Variants in ADIPOR2 observed in about 807,000 individuals in gnomAD.
ADIPOR2 encodes the protein adiponectin receptor 2.
In ADIPOR2, 18 loss-of-function variants were observed where a neutral mutation model predicts 40.9. The observed-to-expected ratio is 0.44, with a 90% CI of 0.30 to 0.65. ADIPOR2 has a LOEUF of 0.65. Among genes scored for constraint, ADIPOR2 ranks in the 30% least tolerant of loss-of-function variants. The pLI, the probability that ADIPOR2 is intolerant of heterozygous loss-of-function variation, is 0.09. For synonymous variants in ADIPOR2, 165 were observed against 166.4 expected (o/e 0.99, Z 0.06); for missense variants, 283 against 479.2 (o/e 0.59, Z 3.82).
intron 1 of ADIPOR2, among the ~76,000 whole-genome samples, chr12:1,701,240 A>G (rs1305592070): frequency 6.9e-6 from 1 of 145,510 alleles, no homozygotes; most frequent in Non-Finnish European, 1.5e-5. Context: ...CAGTCCTCCC[A>G]CTTCAGCCTT....
intron 2 of ADIPOR2, among the ~76,000 whole-genome samples, chr12:1,770,343 A>ATAAACATATTGTGTTTTATGTGTTT (rs1862471831): frequency 6.6e-6 from 1 of 152,218 alleles, no homozygotes; most frequent in Non-Finnish European, 1.5e-5. Flanking sequence ...TTTTATGTAC[A>ATAAACATATTGTGTTTTATGTGTTT]TATCTGTAGT....
intron 1 of ADIPOR2, among the ~76,000 whole-genome samples, chr12:1,748,187 A>G (rs1022999375): frequency 6.6e-6 from 1 of 151,860 alleles, no homozygotes; most frequent in Non-Finnish European, 1.5e-5. Context: ...TGTAGTTTAC[A>G]TCTCTTCATT....
At chr12:1,743,413 T>C (rs1237059744) in intron 1 of ADIPOR2, among the ~76,000 whole-genome samples, 1 of 151,944 alleles carries the variant, frequency 6.6e-6, no homozygotes, top group East Asian at 1.9e-4. Flanking sequence ...CATTAGCTCA[T>C]GCCTGTAAGC....
chr12:1,713,631 T>C (rs898366548), intron 1 of ADIPOR2, among the ~76,000 whole-genome samples: 20 of 152,182 alleles, frequency 1.3e-4, no homozygotes, highest in Admixed American at 2.0e-4. Context: ...CATATTCATG[T>C]AGATAATAGC....
At chr12:1,774,577 A>T (rs1862548950) in intron 3 of ADIPOR2, among the ~76,000 whole-genome samples, 1 of 152,228 alleles carries the variant, frequency 6.6e-6, no homozygotes. Context: ...TGTGCTGTGG[A>T]TAATTTAGTC....
chr12:1,743,563 C>T (rs1027708630), intron 1 of ADIPOR2, among the ~76,000 whole-genome samples: 1 of 151,798 alleles, frequency 6.6e-6, no homozygotes, highest in Non-Finnish European at 1.5e-5. Context: ...CTAAGCTTCT[C>T]TGGATGGAGG....
At chr12:1,736,979 C>T (rs995081800) in intron 1 of ADIPOR2, among the ~76,000 whole-genome samples, 1 of 152,160 alleles carries the variant, frequency 6.6e-6, no homozygotes, top group Non-Finnish European at 1.5e-5. Flanking sequence ...TTCATGTCCA[C>T]CAGGCATTAT....
chr12:1,693,559 G>GT (rs1213343432), intron 1 of ADIPOR2, among the ~76,000 whole-genome samples: 2 of 150,360 alleles, frequency 1.3e-5, no homozygotes, highest in East Asian at 3.9e-4. Context: ...TTGAGACGGA[G>GT]TTTCGTTCTT....
chr12:1,694,791 A>G (rs1407963302), intron 1 of ADIPOR2, among the ~76,000 whole-genome samples: 1 of 152,160 alleles, frequency 6.6e-6, no homozygotes, highest in Non-Finnish European at 1.5e-5. Context: ...TTGTCTGCAT[A>G]TTCAGAATTT....
chr12:1,769,997 A>G (rs1862463451), intron 2 of ADIPOR2, among the ~76,000 whole-genome samples: 1 of 151,308 alleles, frequency 6.6e-6, no homozygotes, highest in Non-Finnish European at 1.5e-5. Context: ...AGCTCATTGC[A>G]ACCTCGACCT....
chr12:1,705,433 G>A (rs914514907), intron 1 of ADIPOR2, among the ~76,000 whole-genome samples: 1 of 152,070 alleles, frequency 6.6e-6, no homozygotes, highest in Non-Finnish European at 1.5e-5. Context: ...GAAACTATTC[G>A]ACGCCACAAG....
intron 6 of ADIPOR2, among the ~76,000 whole-genome samples, chr12:1,783,499 G>T (rs1246380324): frequency 1.3e-5 from 2 of 150,532 alleles, no homozygotes; most frequent in African/African-American, 2.4e-5. Flanking sequence ...CCCGGCTTCA[G>T]GTGATTCTCC....
At chr12:1,756,299 C>T (rs930049220) in intron 2 of ADIPOR2, among the ~76,000 whole-genome samples, 8 of 151,942 alleles carry the variant, frequency 5.3e-5, no homozygotes, top group African/African-American at 1.7e-4. Flanking sequence ...TACAGGCCTG[C>T]GCAACCACAT....
chr12:1,739,742 T>A (rs1394751947), intron 1 of ADIPOR2, among the ~76,000 whole-genome samples: 1 of 152,226 alleles, frequency 6.6e-6, no homozygotes, highest in Non-Finnish European at 1.5e-5. Flanking sequence ...TAGAGTGTTA[T>A]GAGCACTGAC....
chr12:1,758,596 A>G (rs1474544797), intron 2 of ADIPOR2, among the ~76,000 whole-genome samples: 1 of 152,216 alleles, frequency 6.6e-6, no homozygotes, highest in Non-Finnish European at 1.5e-5. Context: ...AATGTATACT[A>G]CACATGGGAG....
chr12:1,749,966 A>G (rs2094765426), intron 1 of ADIPOR2, among the ~76,000 whole-genome samples: 1 of 149,996 alleles, frequency 6.7e-6, no homozygotes, highest in Admixed American at 6.7e-5. Context: ...TCTCTTCAGT[A>G]CCTAGACTAC....
chr12:1,738,998 A>G (rs1470547711), intron 1 of ADIPOR2, among the ~76,000 whole-genome samples: 1 of 152,192 alleles, frequency 6.6e-6, no homozygotes, highest in Non-Finnish European at 1.5e-5. Flanking sequence ...TTCTTTTGTG[A>G]TAATTTTATG....
chr12:1,701,208 C>T (rs12579507), intron 1 of ADIPOR2, among the ~76,000 whole-genome samples: 18,974 of 149,184 alleles, frequency 0.13, 1,548 homozygotes, highest in East Asian at 0.28. Flanking sequence ...TGGCTCACTG[C>T]AGCCCATCTC....
chr12:1,754,573 G>GAGGA, intron 2 of ADIPOR2, 59 bp downstream of exon 2: 5 of 1,499,782 alleles, frequency 3.3e-6, no homozygotes, highest in Non-Finnish European at 4.5e-6. Context: ...GTGGCAGAGG[G>GAGGA]AGGATATGGG....
Sources: gnomAD v4.1 joint callset for allele counts (sites outside exome capture counted in the v4.1 genomes callset) on GRCh38, gnomAD v4.1.1 for gene constraint, MANE v1.5 for transcripts, NCBI Gene and HGNC (gene_info 2026-07-23, HGNC 2026-07-21) for gene names.